ZNF862: variants seen among roughly 807,000 people sequenced by gnomAD.
ZNF862 encodes zinc finger protein 862.
A neutral mutation model predicts 91.1 loss-of-function variants in ZNF862; 64 were observed. The ratio of observed to expected loss-of-function variants is 0.70; its 90% confidence interval spans 0.57 to 0.87. The LOEUF (loss-of-function observed/expected upper bound fraction) is 0.87, where lower values mean the gene tolerates loss of function less well. Ranked by LOEUF, ZNF862 falls within the 40% of genes least tolerant of loss-of-function variation. The probability of loss-of-function intolerance (pLI) is 0.00; values close to 1 mark genes in which losing one functional copy is unlikely to be tolerated. For synonymous variants in ZNF862, 631 were observed against 618.1 expected, an observed-to-expected ratio of 1.02 and a Z score of -0.31; for missense variants, 1,459 against 1,528.0, an observed-to-expected ratio of 0.95 and a Z score of 0.75.
In ZNF862 at chr7:149,859,431, C is replaced by T. The variant is rs199876228; in HGVS notation, c.1127C>T (p.Ala376Val). 6 of 1,578,514 alleles carry T rather than the reference C, an allele frequency of 3.8e-6. No homozygotes were observed. Among genetic ancestry groups the T allele is most frequent in the Admixed American group, 1.8e-5 (1 of 54,904 alleles). Residue 376 changes from alanine (A) to valine (V), a missense_variant, in exon 6 of 8, where the codon GCT (alanine) becomes GTT (valine). Transcript: ENST00000223210. ...YELLASLGPA[A>V]AKPDLISKLE... ...TTCATCCTTACAACAGGACCTGCCGCTGCCAAGCCAGACTTGATCTCCAAA... is the reference window on the plus strand; with the variant it reads ...TTCATCCTTACAACAGGACCTGCCGTTGCCAAGCCAGACTTGATCTCCAAA...
Position 149,862,331 on chromosome 7 carries a change from C to G in ZNF862, c.3171C>G (p.Leu1057=). 6.2e-7 allele frequency: 1 copy of G among 1,613,468 alleles called. No individual in the cohort carries two copies. Residue 1057 remains leucine, a synonymous_variant, in exon 7 of 8, where the codon CTC becomes CTG. Coordinates refer to ENST00000223210, the MANE Select transcript of ZNF862 (RefSeq NM_001099220.3). ...TCAGGACCGATGAGAGGACCAAGCT[C>G]TCCAACGAGGTGCTCAACATGCTCA... ...NRIRTDERTK[L]SNEVLNMLMM...
chr7:149,860,924 G>T lies in ZNF862; in HGVS notation c.1764G>T (p.Val588=). The T allele has an allele frequency of 6.2e-7, 1 of 1,613,818 alleles. No individual in the cohort carries two copies. Among genetic ancestry groups the T allele is most frequent in the Non-Finnish European group, 8.5e-7 (1 of 1,179,862 alleles). ...AGCTCCTCCAAAGCACGGGGACCGT[G>T]ATATTAGGCAAGTACCGCAATCGCA... is the stretch of plus-strand genomic sequence containing the variant. ...ILQLLQSTGT[V]ILGKYRNRTA... The change falls in exon 7 of 8, where the codon GTG becomes GTT. Residue 588 remains valine, a synonymous_variant. Coordinates refer to ENST00000223210, the MANE Select transcript of ZNF862 (RefSeq NM_001099220.3).
Position 149,844,740 on chromosome 7 carries a change from T to C in ZNF862, c.136+4T>C, listed in dbSNP as rs1801814800. 11 of 1,552,010 alleles carry C rather than the reference T, an allele frequency of 7.1e-6. No individual in the cohort carries two copies. The highest frequency in any genetic ancestry group is 9.6e-6 in the Non-Finnish European group (11 of 1,140,066). On this transcript the variant is annotated splice_donor_region_variant and intron_variant, in intron 2 of 7. Transcript: ENST00000223210. ...AACAAGCTGGTGGCACCACTGGGTA[T>C]GGGTGCCCATCCACATCCCTGCCAC...
intron 6 of ZNF862, 120 bp from the exon 7 acceptor site, chr7:149,860,263 T>C: frequency 1.2e-6 from 1 of 851,898 alleles, no homozygotes; most frequent in Non-Finnish European, 1.8e-6. Context: ...GAAAGAAGGA[T>C]TGCATTCATC....
At position 149,860,629 on chromosome 7, in the gene ZNF862, G is replaced by A; in HGVS notation, c.1469G>A (p.Cys490Tyr). 6.2e-7 allele frequency: 1 copy of A among 1,614,008 alleles called. No homozygotes were observed. The highest frequency in any genetic ancestry group is 8.5e-7 in the Non-Finnish European group (1 of 1,179,892). ...PKETKLFCSA[C>Y]IERPNLHDKS... is the part of the protein sequence containing the mutation. Reference sequence around the variant, plus strand: ...GAGACCAAACTCTTCTGCTCAGCCTGCATAGAAAGACCTAATCTCCATGAT... The same window carrying A: ...GAGACCAAACTCTTCTGCTCAGCCTACATAGAAAGACCTAATCTCCATGAT... Residue 490 changes from cysteine (C) to tyrosine (Y), a missense_variant, in exon 7 of 8, where the codon TGC (cysteine) becomes TAC (tyrosine). Cys to Tyr is a radical substitution (Grantham distance 194). Coordinates refer to ENST00000223210, the MANE Select transcript of ZNF862 (RefSeq NM_001099220.3).
In ZNF862 at chr7:149,861,195, G is replaced by A. The variant is rs760851466; in HGVS notation, c.2035G>A (p.Asp679Asn). 2.0e-5 allele frequency: 33 copies of A among 1,612,582 alleles called. No individual in the cohort carries two copies. The highest frequency in any genetic ancestry group is 2.7e-5 in the Non-Finnish European group (32 of 1,179,722). Residue 679 changes from aspartate (D) to asparagine (N), a missense_variant, in exon 7 of 8, where the codon GAT (aspartate) becomes AAT (asparagine). Coordinates refer to ENST00000223210, the MANE Select transcript of ZNF862 (RefSeq NM_001099220.3). The surrounding 1 kb of genome is among the most constrained non-coding windows in gnomAD (Gnocchi z 6.7). ...CTTCGAGACCATCGTTTCTGCCCTG[G>A]ATGAGCTGGACATCCCCTTCCGGAA... ...GYFETIVSAL[D>N]ELDIPFRKPG...
chr7:149,843,278 G>T (rs1801766067), intron 1 of ZNF862, among the ~76,000 whole-genome samples: 1 of 152,066 alleles, frequency 6.6e-6, no homozygotes, highest in Non-Finnish European at 1.5e-5. Context: ...ATTTTAAATG[G>T]CATGCTGTTA....
At position 149,864,248 on chromosome 7, in the gene ZNF862, T is replaced by C. The variant is rs373282161; in HGVS notation, c.3474T>C (p.Tyr1158=). ...TGGAGCCTCCCGAGAGACTCCTGTA[T>C]CCCCACACCAGCCAGGAGGCCCCCG... The part of the protein sequence containing the change: ...CIMEPPERLL[Y]PHTSQEAPGM... Residue 1158 remains tyrosine (Y), a synonymous_variant, in exon 8 of 8, where the codon TAT becomes TAC. Transcript: ENST00000223210. The C allele has an allele frequency of 1.0e-4, 168 of 1,603,488 alleles. 3 individuals are homozygous for C. The South Asian group carries it at 1.8e-3, about 17-fold the overall frequency.
chr7:149,853,167 C>T (rs1399599872), intron 5 of ZNF862, among the ~76,000 whole-genome samples: 1 of 152,220 alleles, frequency 6.6e-6, no homozygotes, highest in Non-Finnish European at 1.5e-5. Context: ...AGGCGATCCT[C>T]CTGCCTCCAT....
At chr7:149,849,123 T>C in intron 4 of ZNF862, among the ~76,000 whole-genome samples, 1 of 152,254 alleles carries the variant, frequency 6.6e-6, no homozygotes. Context: ...ATTTTAAGTT[T>C]GGAGTCATGT....
intron 1 of ZNF862, among the ~76,000 whole-genome samples, chr7:149,843,183 T>C (rs1401532267): frequency 2.6e-5 from 4 of 152,238 alleles, no homozygotes; most frequent in Non-Finnish European, 5.9e-5. Context: ...GAGAAAAATC[T>C]ATTATAATAG....
In ZNF862 at chr7:149,864,251, C is replaced by T; in HGVS notation, c.3477C>T (p.Pro1159=). The T allele has an allele frequency of 6.2e-7, 1 of 1,603,038 alleles. No homozygotes were observed. The highest frequency in any genetic ancestry group is 8.5e-7 in the Non-Finnish European group (1 of 1,175,530). ...AGCCTCCCGAGAGACTCCTGTATCCCCACACCAGCCAGGAGGCCCCCGGGA... is the reference window on the plus strand; with the variant it reads ...AGCCTCCCGAGAGACTCCTGTATCCTCACACCAGCCAGGAGGCCCCCGGGA... ...IMEPPERLLY[P]HTSQEAPGMS The change falls in exon 8 of 8, where the codon CCC becomes CCT. Residue 1159 remains proline, a synonymous_variant. Coordinates refer to ENST00000223210, the MANE Select transcript of ZNF862 (RefSeq NM_001099220.3).
intron 1 of ZNF862, among the ~76,000 whole-genome samples, chr7:149,840,075 C>T (rs1801646636): frequency 1.3e-5 from 2 of 151,010 alleles, no homozygotes; most frequent in Admixed American, 1.3e-4. Flanking sequence ...CCTGAGACTA[C>T]AGTGGGGCTG....
chr7:149,862,039 A>C lies in ZNF862; in HGVS notation c.2879A>C (p.Glu960Ala). The change falls in exon 7 of 8, where the codon GAA becomes GCA. Residue 960 changes from glutamate (E) to alanine (A), a missense_variant. By Grantham distance (107) the Glu-to-Ala change is moderately radical (BLOSUM62 -1). Transcript: ENST00000223210. The stretch of plus-strand genomic sequence containing the variant: ...ACCATGGCCTGGCCAAGTGGGATTG[A>C]ACTTGCCAGTTTTGGGAATGATGAC... The part of the protein sequence containing the change: ...FDTMAWPSGI[E>A]LASFGNDDIL... 3.1e-6 allele frequency: 5 copies of C among 1,613,804 alleles called. No individual in the cohort carries two copies. Among genetic ancestry groups the C allele is most frequent in the Non-Finnish European group, 4.2e-6 (5 of 1,179,884 alleles).
At chr7:149,842,981 T>A (rs915235488) in intron 1 of ZNF862, among the ~76,000 whole-genome samples, 1 of 152,230 alleles carries the variant, frequency 6.6e-6, no homozygotes, top group African/African-American at 2.4e-5. Flanking sequence ...GCAGTACAAT[T>A]CCATTTTTGT....
At chr7:149,859,660 G>C in intron 6 of ZNF862, 134 bp downstream of exon 6, 1 of 699,952 alleles carries the variant, frequency 1.4e-6, no homozygotes, top group Non-Finnish European at 2.4e-6. Context: ...GGAGGCCCTG[G>C]GTAGACAAGA....
chr7:149,856,654 C>T (rs1283626886), intron 5 of ZNF862, among the ~76,000 whole-genome samples: 2 of 152,164 alleles, frequency 1.3e-5, no homozygotes, highest in African/African-American at 2.4e-5. Context: ...GACTTCGCTC[C>T]GGGGCCTTCT....
Position 149,865,237 on chromosome 7 carries a change from C to T in ZNF862, c.*953C>T, listed in dbSNP as rs1802670681. The T allele has an allele frequency of 6.6e-6, 1 of 152,226 alleles. No individual in the cohort carries two copies. Among genetic ancestry groups the T allele is most frequent in the Admixed American group, 6.5e-5 (1 of 15,280 alleles). The allele number at this position is 152,226 out of a possible 1,614,324, so 9.4% of individuals were successfully genotyped here. ...CAGTGTGGACTTAGCTGCCATCTGCCCCATCCTCGTCCTTAGTGGGACAGG... is the reference window on the plus strand; with the variant it reads ...CAGTGTGGACTTAGCTGCCATCTGCTCCATCCTCGTCCTTAGTGGGACAGG... On this transcript the variant is annotated 3_prime_UTR_variant, in exon 8 of 8. Coordinates refer to ENST00000223210, the MANE Select transcript of ZNF862 (RefSeq NM_001099220.3).
Position 149,861,713 on chromosome 7 carries a change from C to A in ZNF862, c.2553C>A (p.Tyr851Ter). The change falls in exon 7 of 8, where the codon TAC (tyrosine) becomes TAA (stop). Residue 851 changes from tyrosine to a stop codon, truncating the protein, a stop_gained. Transcript: ENST00000223210. LOFTEE classifies it high-confidence loss of function. This position sits in a 1 kb window ranked among gnomAD's most constrained non-coding sequence, Gnocchi z 6.7. Reference protein sequence around the residue: ...CHFLLDFLSIYRPLSEVCQKE... With the variant: ...CHFLLDFLSI ...TCCTGTTGGACTTCCTGAGCATCTA[C>A]AGGCCTCTGTCCGAGGTGTGCCAGA... 6.2e-7 allele frequency: 1 copy of A among 1,613,338 alleles called. No homozygotes were observed. Among genetic ancestry groups the A allele is most frequent in the Non-Finnish European group, 8.5e-7 (1 of 1,179,756 alleles).
Sources: allele counts gnomAD v4.1 joint callset (sites outside exome capture counted in the v4.1 genomes callset), GRCh38; gene constraint gnomAD v4.1.1; non-coding constraint Gnocchi (gnomAD v3.1); transcripts MANE v1.5; gene names NCBI Gene and HGNC (gene_info 2026-07-23, HGNC 2026-07-21).